Variants in ZFYVE28 observed in about 807,000 individuals in gnomAD.
The protein encoded by ZFYVE28 is zinc finger FYVE-type containing 28, also known as lateral signaling target protein 2 homolog.
Under a neutral mutation model 82.1 loss-of-function variants are expected in ZFYVE28, and 40 were observed. That is an observed-to-expected ratio of 0.49 (90% CI 0.38 to 0.63). The LOEUF (loss-of-function observed/expected upper bound fraction) is 0.63, where lower values mean the gene tolerates loss of function less well. Ranked by LOEUF, ZFYVE28 falls within the 30% of genes least tolerant of loss-of-function variation. The pLI is 0.00. For synonymous variants in ZFYVE28, 612 were observed against 546.1 expected, an observed-to-expected ratio of 1.12 and a Z score of -1.68; for missense variants, 1,321 against 1,242.1, an observed-to-expected ratio of 1.06 and a Z score of -0.96.
At chr4:2,355,236 A>AATGAT (rs1725094192) in intron 1 of ZFYVE28, among the ~76,000 whole-genome samples, 1 of 25,864 alleles carries the variant, frequency 3.9e-5, no homozygotes, top group African/African-American at 1.7e-4. Context: ...ATATATATAT[A>AATGAT]TATATATATA....
rs773587133 is a variant in ZFYVE28, at chr4:2,409,320, C to T, written c.39+8965G>A. On this transcript the variant is annotated intron_variant, in intron 1 of 12. Coordinates refer to ENST00000290974, the MANE Select transcript of ZFYVE28 (RefSeq NM_020972.3). This position sits in a 1 kb window ranked among gnomAD's most constrained non-coding sequence, Gnocchi z 4.4. ...CATCCTCTCGCTGGAATCCCCGCCA[C>T]CCACCAGTCCCAGCTTCCAATCTCG... Among the ~76,000 whole-genome samples, 21 of 151,964 alleles carry T rather than the reference C, an allele frequency of 1.4e-4. No homozygotes were observed. Among genetic ancestry groups the T allele is most frequent in the Non-Finnish European group, 2.8e-4 (19 of 67,966 alleles).
At chr4:2,284,398 A>G (rs901569871) in intron 8 of ZFYVE28, among the ~76,000 whole-genome samples, 5 of 152,192 alleles carry the variant, frequency 3.3e-5, no homozygotes, top group Admixed American at 3.3e-4. Context: ...GGGGCTTTGA[A>G]GACCATGATG....
chr4:2,404,857 C>CTT (rs11404626), intron 1 of ZFYVE28, among the ~76,000 whole-genome samples: 5,238 of 110,826 alleles, frequency 0.047, 562 homozygotes, highest in African/African-American at 0.15. Context: ...CAGTCTCGCT[C>CTT]TTTTTTTTTT....
At position 2,409,738 on chromosome 4, in the gene ZFYVE28, G is replaced by T. The variant is rs908993380; in HGVS notation, c.39+8547C>A. Among the ~76,000 whole-genome samples the T allele has an allele frequency of 3.3e-5, 5 of 152,208 alleles. No individual in the cohort carries two copies. Among genetic ancestry groups the T allele is most frequent in the Non-Finnish European group, 7.3e-5 (5 of 68,034 alleles). On this transcript the variant is annotated intron_variant, in intron 1 of 12. Transcript: ENST00000290974. This position sits in a 1 kb window ranked among gnomAD's most constrained non-coding sequence, Gnocchi z 4.4. Reference sequence around the variant, plus strand: ...GCGGGCAGCTCTGTGGGAGGAGGTCGGTTTGAGAAATTTGTCAGAACTACC... The same window carrying T: ...GCGGGCAGCTCTGTGGGAGGAGGTCTGTTTGAGAAATTTGTCAGAACTACC...
At chr4:2,342,144 C>G (rs990369180) in intron 2 of ZFYVE28, among the ~76,000 whole-genome samples, 1 of 152,212 alleles carries the variant, frequency 6.6e-6, no homozygotes, top group Non-Finnish European at 1.5e-5. Context: ...CAGAAGAGTG[C>G]AGTTACGTCA....
intron 1 of ZFYVE28, among the ~76,000 whole-genome samples, chr4:2,370,765 G>C (rs1217461040): frequency 6.6e-6 from 1 of 152,190 alleles, no homozygotes; most frequent in African/African-American, 2.4e-5. Context: ...GGCCAGTCTG[G>C]GGCGCCAGAT....
intron 8 of ZFYVE28, among the ~76,000 whole-genome samples, chr4:2,280,354 C>A (rs979868751): frequency 6.6e-6 from 1 of 151,616 alleles, no homozygotes; most frequent in African/African-American, 2.4e-5. Context: ...ACAAAAAATC[C>A]AAAATTAGCC....
rs926572578 is a variant in ZFYVE28 at position 2,320,943 on chromosome 4, C to T, written c.702-672G>A. 9.9e-5 allele frequency among the ~76,000 whole-genome samples: 15 copies of T among 152,166 alleles called. No homozygotes were observed. The highest frequency in any genetic ancestry group is 4.4e-5 in the Non-Finnish European group (3 of 68,036). ...TCAAAGCCTGCTGAAGGACAAGCTTCCCAGATGCCACCTCCAGTGGCACCC... is the reference window on the plus strand; with the variant it reads ...TCAAAGCCTGCTGAAGGACAAGCTTTCCAGATGCCACCTCCAGTGGCACCC... On this transcript the variant is annotated intron_variant, in intron 6 of 12. Coordinates refer to ENST00000290974, the MANE Select transcript of ZFYVE28 (RefSeq NM_020972.3). This position sits in a 1 kb window ranked among gnomAD's most constrained non-coding sequence, Gnocchi z 5.1.
rs144543666 is a variant in ZFYVE28 at position 2,412,781 on chromosome 4, T to C, written c.39+5504A>G. Among the ~76,000 whole-genome samples, 976 of 152,260 alleles carry C rather than the reference T, an allele frequency of 6.4e-3. 6 individuals carry two copies. Among genetic ancestry groups the C allele is most frequent in the African/African-American group, 0.021 (887 of 41,550 alleles). On this transcript the variant is annotated intron_variant, in intron 1 of 12. Coordinates refer to ENST00000290974, the MANE Select transcript of ZFYVE28 (RefSeq NM_020972.3). ...TTTAGAGCAAGCACATCCGGTATTC[T>C]GGGAATTCTTGGTGGCTGAAAATGG...
At chr4:2,294,073 G>C (rs1397339977) in intron 8 of ZFYVE28, among the ~76,000 whole-genome samples, 1 of 135,916 alleles carries the variant, frequency 7.4e-6, no homozygotes, top group Non-Finnish European at 1.5e-5. Flanking sequence ...ATCCCAGCAG[G>C]CTTTTTTTTT....
intron 1 of ZFYVE28, among the ~76,000 whole-genome samples, chr4:2,358,369 G>T (rs1393223813): frequency 6.6e-6 from 1 of 152,222 alleles, no homozygotes; most frequent in Non-Finnish European, 1.5e-5. Context: ...TGTCTACTTG[G>T]CAGGGAAAAT....
At chr4:2,271,495 C>G in intron 11 of ZFYVE28, 81 bp from the exon 12 acceptor site, 1 of 1,507,246 alleles carries the variant, frequency 6.6e-7, no homozygotes, top group Non-Finnish European at 9.2e-7. Flanking sequence ...ACCCTGGGCC[C>G]TCCTTTCCAG....
chr4:2,302,619 T>A (rs1577979827), intron 8 of ZFYVE28, among the ~76,000 whole-genome samples: 1 of 152,338 alleles, frequency 6.6e-6, no homozygotes, highest in South Asian at 2.1e-4. Flanking sequence ...GCAATTCCGC[T>A]CACAGGGATC....
chr4:2,274,262 G>A (rs1395178421), intron 8 of ZFYVE28, 46 bp from the exon 9 acceptor site: 3 of 1,589,116 alleles, frequency 1.9e-6, no homozygotes, highest in South Asian at 1.1e-5. Flanking sequence ...GGCATGATAA[G>A]GGGCCGTGGA....
chr4:2,355,442 C>T (rs1243143531), intron 1 of ZFYVE28, among the ~76,000 whole-genome samples: 2 of 148,134 alleles, frequency 1.4e-5, no homozygotes, highest in East Asian at 2.0e-4. Flanking sequence ...TCACCACGCC[C>T]GGCCAATTTT....
intron 1 of ZFYVE28, among the ~76,000 whole-genome samples, chr4:2,385,830 G>T (rs751508842): frequency 6.6e-6 from 1 of 152,174 alleles, no homozygotes; most frequent in African/African-American, 2.4e-5. Flanking sequence ...CTTAAGAGCC[G>T]CAGACAGGCG....
In ZFYVE28 at chr4:2,362,537, G is replaced by A. The variant is rs73205413; in HGVS notation, c.40-8464C>T. Among the ~76,000 whole-genome samples the A allele has an allele frequency of 0.042, 6,357 of 152,082 alleles. 182 individuals carry two copies. The highest frequency in any genetic ancestry group is 0.064 in the Non-Finnish European group (4,365 of 67,966). On this transcript the variant is annotated intron_variant, in intron 1 of 12. Transcript: ENST00000290974. The surrounding 1 kb of genome is among the most constrained non-coding windows in gnomAD (Gnocchi z 5.1). Reference sequence around the variant, plus strand: ...TGCACATGCCCAACCCCTCCTGTCCGCACTGAGGCCAGACGTCCATGGGCA... The same window carrying A: ...TGCACATGCCCAACCCCTCCTGTCCACACTGAGGCCAGACGTCCATGGGCA...
chr4:2,374,490 G>A (rs1167689856), intron 1 of ZFYVE28, among the ~76,000 whole-genome samples: 2 of 152,150 alleles, frequency 1.3e-5, no homozygotes, highest in East Asian at 3.9e-4. Flanking sequence ...ATGCACACCT[G>A]TAGTCCCAGC....
intron 6 of ZFYVE28, among the ~76,000 whole-genome samples, chr4:2,326,023 C>T (rs1719810175): frequency 6.6e-6 from 1 of 152,114 alleles, no homozygotes; most frequent in Non-Finnish European, 1.5e-5. Flanking sequence ...TCTTTGCACC[C>T]TGTTGTTTCT....
Sources: gnomAD v4.1 joint callset for allele counts (sites outside exome capture counted in the v4.1 genomes callset) on GRCh38, gnomAD v4.1.1 for gene constraint, Gnocchi (gnomAD v3.1) non-coding constraint, MANE v1.5 for transcripts, NCBI Gene and HGNC (gene_info 2026-07-23, HGNC 2026-07-21) for gene names.